Variants in SIN3B observed in about 807,000 individuals in gnomAD.
The protein encoded by SIN3B is SIN3 transcription regulator family member B, also known as paired amphipathic helix protein Sin3b.
SIN3B carries 19 observed loss-of-function variants against 120.2 expected under a neutral mutation model. The observed-to-expected ratio is 0.16, with a 90% CI of 0.11 to 0.23. SIN3B has a LOEUF of 0.23. Ranked by LOEUF, SIN3B falls within the 10% of genes least tolerant of loss-of-function variation. The pLI is 1.00. For missense variants in SIN3B, 1,073 were observed against 1,573.0 expected (o/e 0.68, Z 5.38); for synonymous variants, 654 against 653.2 (o/e 1.00, Z -0.02).
rs2051654989 is a variant in SIN3B at position 16,878,993 on chromosome 19, G to A, written c.*266G>A. 3 of 531,520 alleles carry A rather than the reference G, an allele frequency of 5.6e-6. No homozygotes were observed. Among genetic ancestry groups the A allele is most frequent in the Admixed American group, 3.5e-5 (1 of 28,356 alleles). 32.9% of individuals were successfully genotyped at this position (531,520 alleles called of 1,614,324 possible). The stretch of plus-strand genomic sequence containing the variant: ...GGTGGACGTGCTGGCCGAGGAACAA[G>A]CAATCATGTTTGCGTCCCCGTCCGT... On this transcript the variant is annotated 3_prime_UTR_variant, in exon 19 of 19. Transcript: ENST00000248054.
intron 4 of SIN3B, among the ~76,000 whole-genome samples, chr19:16,842,952 A>G (rs1365319526): frequency 3.9e-5 from 6 of 152,234 alleles, no homozygotes; most frequent in African/African-American, 1.4e-4. Context: ...CAGAGCAGAC[A>G]GCGGCATCAG....
In SIN3B at chr19:16,829,468, C is replaced by T; in HGVS notation, c.48C>T (p.Pro16=). The T allele has an allele frequency of 8.2e-7, 1 of 1,217,570 alleles. No individual in the cohort carries two copies. Among genetic ancestry groups the T allele is most frequent in the Non-Finnish European group, 1.0e-6 (1 of 978,650 alleles). 75.4% of individuals were successfully genotyped at this position (1,217,570 alleles called of 1,614,324 possible). ...GCGGTGGCAGCGGTGCCGGCGGCCCCGCGGGCCGGGGGCTGAGCGGCGCCC... is the reference window on the plus strand; with the variant it reads ...GCGGTGGCAGCGGTGCCGGCGGCCCTGCGGGCCGGGGGCTGAGCGGCGCCC... The part of the protein sequence containing the change: ...GGSGGSGAGG[P]AGRGLSGARW... The change falls in exon 1 of 19, where the codon CCC becomes CCT. Residue 16 remains proline (P), a synonymous_variant. Coordinates refer to ENST00000248054, the MANE Select transcript of SIN3B (RefSeq NM_001297595.2).
At chr19:16,838,277 A>G (rs907731045) in intron 3 of SIN3B, among the ~76,000 whole-genome samples, 5 of 152,218 alleles carry the variant, frequency 3.3e-5, no homozygotes, top group Admixed American at 6.5e-5. Context: ...AATACTGTAC[A>G]ACCATCACCA....
At chr19:16,836,298 G>T (rs1971348164) in intron 3 of SIN3B, among the ~76,000 whole-genome samples, 1 of 152,152 alleles carries the variant, frequency 6.6e-6, no homozygotes, top group South Asian at 2.1e-4. Flanking sequence ...GAGTCTAAAG[G>T]GGAAGACAGA....
rs778738667 is a variant in SIN3B, at chr19:16,829,802, C to T, written c.132C>T (p.Ala44=). ...HEKLPVHVED[A]LTYLDQVKIR... ...CCCCCTCTCTGCAGGTAGAAGACGC[C>T]CTCACCTATCTGGACCAGGTGAAGA... The change falls in exon 2 of 19, where the codon GCC becomes GCT. Residue 44 remains alanine (A), a synonymous_variant. Coordinates refer to ENST00000248054, the MANE Select transcript of SIN3B (RefSeq NM_001297595.2). 1.9e-6 allele frequency: 3 copies of T among 1,612,934 alleles called. No homozygotes were observed. The highest frequency in any genetic ancestry group is 1.7e-4 in the Middle Eastern group (1 of 6,058).
Position 16,829,420 on chromosome 19 carries a change from C to G in SIN3B, c.-1C>G, listed in dbSNP as rs944128563. The stretch of plus-strand genomic sequence containing the variant: ...GGCGGGGCGCAGCTCCGACTTCGGA[C>G]ATGGCGCACGCTGGCGGTGGCAGCG... On this transcript the variant is annotated 5_prime_UTR_variant, in exon 1 of 19. Transcript: ENST00000248054. The G allele has an allele frequency of 1.8e-5, 22 of 1,205,240 alleles. No homozygotes were observed. The highest frequency in any genetic ancestry group is 3.3e-4 in the Middle Eastern group (1 of 3,074). The allele number at this position is 1,205,240 out of a possible 1,614,324, so 74.7% of individuals were successfully genotyped here.
Position 16,876,321 on chromosome 19 carries a change from T to G in SIN3B, c.2766+93T>G. 1 of 1,458,736 alleles carries G rather than the reference T, an allele frequency of 6.9e-7. No individual in the cohort carries two copies. The highest frequency in any genetic ancestry group is 9.3e-7 in the Non-Finnish European group (1 of 1,075,498). 90.4% of individuals were successfully genotyped at this position (1,458,736 alleles called of 1,614,324 possible). A position where few individuals can be genotyped will look rare whatever the true frequency, so the allele number is the denominator to read the frequency against. On this transcript the variant is annotated intron_variant, in intron 15 of 18. Coordinates refer to ENST00000248054, the MANE Select transcript of SIN3B (RefSeq NM_001297595.2). This position sits in a 1 kb window ranked among gnomAD's most constrained non-coding sequence, Gnocchi z 7.1. ...CCTGGGTGGACCCTGGTTCAGCGGC[T>G]GGGACACCGGCCCTGCTGCAGAGCC...
chr19:16,841,168 A>G (rs1321922470), intron 3 of SIN3B, among the ~76,000 whole-genome samples: 1 of 151,880 alleles, frequency 6.6e-6, no homozygotes, highest in East Asian at 1.9e-4. Flanking sequence ...AAGTACACGC[A>G]TAGAGGGCAT....
intron 14 of SIN3B, among the ~76,000 whole-genome samples, chr19:16,875,552 T>TTGGTC (rs544805908): frequency 1.6e-3 from 233 of 141,628 alleles, no homozygotes; most frequent in East Asian, 0.014. Flanking sequence ...TCTGGTCTGT[T>TTGGTC]TGGTCTGGTC....
chr19:16,849,827 G>T (rs144406906), intron 5 of SIN3B, among the ~76,000 whole-genome samples: 1 of 152,026 alleles, frequency 6.6e-6, no homozygotes. Context: ...GTGGTGGCTC[G>T]TGCCTGTAAT....
At chr19:16,846,452 AT>A (rs1971479674) in intron 4 of SIN3B, 1 of 152,464 alleles carries the variant, frequency 6.6e-6, no homozygotes, top group Admixed American at 6.5e-5. Flanking sequence ...ATACGGACGT[AT>A]TTCTAACAGC....
Position 16,869,862 on chromosome 19 carries a change from G to A in SIN3B, c.2209G>A (p.Asp737Asn). ...LPPPAPHKPL[D>N]DVYSLFFANN... The stretch of plus-strand genomic sequence containing the variant: ...GCCCCCAGCCCCGCACAAGCCCCTG[G>A]ACGATGTCTACAGCCTATTTTTTGC... Residue 737 changes from aspartate to asparagine, a missense_variant, in exon 13 of 19, where the codon GAC becomes AAC. Around this residue, in one of 7 missense-constraint regions of SIN3B, gnomAD observed 169 missense variants for 207.3 expected, o/e 0.82. Coordinates refer to ENST00000248054, the MANE Select transcript of SIN3B (RefSeq NM_001297595.2). 6.2e-7 allele frequency: 1 copy of A among 1,614,228 alleles called. No homozygotes were observed. Among genetic ancestry groups the A allele is most frequent in the South Asian group, 1.1e-5 (1 of 91,084 alleles).
intron 3 of SIN3B, among the ~76,000 whole-genome samples, chr19:16,840,706 T>G (rs1001281225): frequency 6.6e-6 from 1 of 152,176 alleles, no homozygotes; most frequent in Non-Finnish European, 1.5e-5. Flanking sequence ...TGTCCCTTCA[T>G]CCGTTCACCT....
At chr19:16,870,097 G>T in intron 13 of SIN3B, 22 bp downstream of exon 13, 1 of 1,552,164 alleles carries the variant, frequency 6.4e-7, no homozygotes. Context: ...AAGCCTGCCG[G>T]GAGGCCCCGG....
At chr19:16,865,241 C>G (rs1168125198) in intron 10 of SIN3B, 169 bp from the exon 11 acceptor site, 1 of 595,406 alleles carries the variant, frequency 1.7e-6, no homozygotes, top group African/African-American at 1.9e-5. Context: ...CTGCAGTGAG[C>G]TTTGATTGTG....
At position 16,869,887 on chromosome 19, in the gene SIN3B, C is replaced by T. The variant is rs180697016; in HGVS notation, c.2234C>T (p.Ala745Val). Residue 745 changes from alanine (A) to valine (V), a missense_variant, in exon 13 of 19, where the codon GCC becomes GTC. Ala to Val is a moderately conservative substitution (Grantham distance 64, BLOSUM62 0). Coordinates refer to ENST00000248054, the MANE Select transcript of SIN3B (RefSeq NM_001297595.2). ...PLDDVYSLFF[A>V]NNNWYFFLRL... The stretch of plus-strand genomic sequence containing the variant: ...GACGATGTCTACAGCCTATTTTTTG[C>T]CAACAACAACTGGTACTTCTTCCTG... 6.2e-7 allele frequency: 1 copy of T among 1,614,226 alleles called. No homozygotes were observed. The highest frequency in any genetic ancestry group is 8.5e-7 in the Non-Finnish European group (1 of 1,180,048).
intron 3 of SIN3B, among the ~76,000 whole-genome samples, chr19:16,840,878 C>T (rs191504347): frequency 1.1e-4 from 17 of 152,206 alleles, no homozygotes; most frequent in Admixed American, 2.0e-4. Context: ...AAGGTGGTGA[C>T]GGGCCGCGGA....
chr19:16,859,677 G>A (rs1971661255), intron 8 of SIN3B, among the ~76,000 whole-genome samples: 1 of 152,174 alleles, frequency 6.6e-6, no homozygotes, highest in African/African-American at 2.4e-5. Context: ...GCCAAAACGG[G>A]GACTCCTGGG....
In SIN3B at chr19:16,843,643, G is replaced by A. The variant is rs1166265385; in HGVS notation, c.582+1675G>A. Reference sequence around the variant, plus strand: ...GCTCTGTTCTGTGGCAAAGGAAGGGGCAGGTTAAAGACACTAGAGATGAAT... The same window carrying A: ...GCTCTGTTCTGTGGCAAAGGAAGGGACAGGTTAAAGACACTAGAGATGAAT... On this transcript the variant is annotated intron_variant, in intron 4 of 18. Transcript: ENST00000248054. Among the ~76,000 whole-genome samples, 3 of 152,174 alleles carry A rather than the reference G, an allele frequency of 2.0e-5. No individual in the cohort carries two copies. In the South Asian group the frequency reaches 6.2e-4, roughly 32 times the overall value.
Sources: allele counts gnomAD v4.1 joint callset (sites outside exome capture counted in the v4.1 genomes callset), GRCh38; gene constraint gnomAD v4.1.1; regional missense constraint gnomAD v4.1.1; non-coding constraint Gnocchi (gnomAD v3.1); transcripts MANE v1.5; gene names NCBI Gene and HGNC (gene_info 2026-07-23, HGNC 2026-07-21).